PTPRD: variants seen among roughly 807,000 people sequenced by gnomAD.
PTPRD encodes the protein protein tyrosine phosphatase receptor type D, also known as receptor-type tyrosine-protein phosphatase delta.
A neutral mutation model predicts 214.5 loss-of-function variants in PTPRD; 34 were observed. The observed-to-expected ratio is 0.16, with a 90% confidence interval of 0.12 to 0.21. PTPRD has a LOEUF of 0.21. Ranked by LOEUF, PTPRD falls within the 10% of genes least tolerant of loss-of-function variation. PTPRD has a pLI of 1.00. For missense variants in PTPRD, 2,545 were observed against 2,398.7 expected (o/e 1.06, Z -1.27); for synonymous variants, 1,128 against 845.7 (o/e 1.33, Z -5.79).
chr9:10,284,923 CAT>C (rs1443011185), intron 3 of PTPRD, among the ~76,000 whole-genome samples: 1 of 152,174 alleles, frequency 6.6e-6, no homozygotes, highest in Non-Finnish European at 1.5e-5. Context: ...CACATTCACA[CAT>C]AGTCTATAAC....
chr9:8,659,750 T>C (rs1354745183), intron 12 of PTPRD, among the ~76,000 whole-genome samples: 1 of 152,166 alleles, frequency 6.6e-6, no homozygotes, highest in African/African-American at 2.4e-5. Flanking sequence ...TGTTTGAGAA[T>C]AAAGAAGGAT....
At position 8,844,674 on chromosome 9, in the gene PTPRD, TG is replaced by T. The variant is rs1398027212; in HGVS notation, c.-103-110729del. ...GCCACAAATCCTTTTTCAAGGAAGA[TG>T]GGTATAAATAATACAAAAAGATGGT... On this transcript the variant is annotated intron_variant, in intron 11 of 45. Transcript: ENST00000381196. 9.8e-5 allele frequency among the ~76,000 whole-genome samples: 15 copies of T among 152,304 alleles called. No homozygotes were observed. In the East Asian group the frequency reaches 2.9e-3, roughly 29 times the overall value.
chr9:9,870,736 T>C (rs944545527), intron 5 of PTPRD, among the ~76,000 whole-genome samples: 2 of 152,046 alleles, frequency 1.3e-5, no homozygotes, highest in Non-Finnish European at 2.9e-5. Context: ...ATGTTCGCAA[T>C]CTAATATTAA....
chr9:8,945,097 A>G (rs2099055738), intron 11 of PTPRD, among the ~76,000 whole-genome samples: 1 of 152,056 alleles, frequency 6.6e-6, no homozygotes, highest in Non-Finnish European at 1.5e-5. Flanking sequence ...AAAGAAAACC[A>G]CAGCAATCTA....
chr9:8,733,655 A>AT, intron 12 of PTPRD, 125 bp downstream of exon 12: 1 of 962,310 alleles, frequency 1.0e-6, no homozygotes, highest in Non-Finnish European at 1.6e-6. Context: ...GCCAAGGAGG[A>AT]TCCCGCAGTG....
chr9:10,068,455 T>G lies in PTPRD; in HGVS notation c.-544-34665A>C, dbSNP rs180672196. 2.4e-4 allele frequency among the ~76,000 whole-genome samples: 36 copies of G among 152,084 alleles called. No homozygotes were observed. In the East Asian group the frequency reaches 6.4e-3, roughly 27 times the overall value. Reference sequence around the variant, plus strand: ...AGTGATACTCTCCTGGTCCTTTGGATTGGTCTGCTACACATTCCATGCCCT... The same window carrying G: ...AGTGATACTCTCCTGGTCCTTTGGAGTGGTCTGCTACACATTCCATGCCCT... On this transcript the variant is annotated intron_variant, in intron 3 of 45. Transcript: ENST00000381196.
At chr9:8,578,867 G>A (rs2092754567) in intron 14 of PTPRD, among the ~76,000 whole-genome samples, 1 of 152,200 alleles carries the variant, frequency 6.6e-6, no homozygotes, top group Non-Finnish European at 1.5e-5. Flanking sequence ...CATGAAATTA[G>A]TAATTTAAGT....
intron 39 of PTPRD, among the ~76,000 whole-genome samples, chr9:8,371,080 T>C (rs1403942917): frequency 6.6e-6 from 1 of 152,080 alleles, no homozygotes; most frequent in East Asian, 1.9e-4. Flanking sequence ...TGGGGAGCTA[T>C]GTCTAAATTT....
At chr9:10,410,292 A>AT (rs2098421037) in intron 2 of PTPRD, among the ~76,000 whole-genome samples, 2 of 126,264 alleles carry the variant, frequency 1.6e-5, no homozygotes, top group African/African-American at 2.6e-5. Flanking sequence ...CACAATATAT[A>AT]ATATATATAA....
chr9:9,768,056 G>A (rs2098720824), intron 5 of PTPRD, among the ~76,000 whole-genome samples: 1 of 152,146 alleles, frequency 6.6e-6, no homozygotes, highest in African/African-American at 2.4e-5. Context: ...GCAACAGGAT[G>A]TTGTTGCTTA....
chr9:9,858,577 G>C (rs1299565006), intron 5 of PTPRD, among the ~76,000 whole-genome samples: 1 of 152,162 alleles, frequency 6.6e-6, no homozygotes, highest in Non-Finnish European at 1.5e-5. Flanking sequence ...ATTGCACGCA[G>C]ATGACTCAGA....
chr9:10,510,645 T>G (rs2047683513), intron 2 of PTPRD, among the ~76,000 whole-genome samples: 1 of 152,182 alleles, frequency 6.6e-6, no homozygotes. Flanking sequence ...ATGCAAGGTG[T>G]AATGATCTTA....
rs551315249 is a variant in PTPRD, at chr9:10,478,034, G to A, written c.-600+134364C>T. On this transcript the variant is annotated intron_variant, in intron 2 of 45. Coordinates refer to ENST00000381196, the MANE Select transcript of PTPRD (RefSeq NM_002839.4). ...AGCACAAATACCTAATGCATGTGGG[G>A]CTCTAAACCTAGATAACAGGTTGAT... Among the ~76,000 whole-genome samples the A allele has an allele frequency of 4.0e-5, 6 of 151,498 alleles. 1 individual carries two copies. The highest frequency in any genetic ancestry group is 1.2e-4 in the African/African-American group (5 of 41,350).
In PTPRD at chr9:8,557,807, C is replaced by CACAT. The variant is rs959305509; in HGVS notation, c.353-29029_353-29028insATGT. On this transcript the variant is annotated intron_variant, in intron 14 of 45. Coordinates refer to ENST00000381196, the MANE Select transcript of PTPRD (RefSeq NM_002839.4). Reference sequence around the variant, plus strand: ...ACACACACACACACACACACACACACATATATACACACACACATATGCATA... The same window carrying CACAT: ...ACACACACACACACACACACACACACACATATATATACACACACACATATGCATA... Among the ~76,000 whole-genome samples the CACAT allele has an allele frequency of 6.7e-5, 9 of 133,582 alleles. No individual in the cohort carries two copies. In the South Asian group the frequency reaches 7.3e-4, roughly 11 times the overall value. 87.6% of individuals were successfully genotyped at this position (133,582 alleles called of 152,430 possible). A position where few individuals can be genotyped will look rare whatever the true frequency, so the allele number is the denominator to read the frequency against.
chr9:8,541,390 T>C (rs2140214151), intron 14 of PTPRD, among the ~76,000 whole-genome samples: 1 of 152,232 alleles, frequency 6.6e-6, no homozygotes, highest in South Asian at 2.1e-4. Flanking sequence ...TCACAATACC[T>C]GGCTCAATTA....
chr9:9,491,861 A>T (rs11534217), intron 8 of PTPRD, among the ~76,000 whole-genome samples: 2 of 151,848 alleles, frequency 1.3e-5, no homozygotes, highest in African/African-American at 4.8e-5. Flanking sequence ...AACAAGCTAC[A>T]CCCAAAGCTA....
rs140508182 is a variant in PTPRD, at chr9:9,763,810, T to C, written c.-326+3000A>G. Among the ~76,000 whole-genome samples, 426 of 152,260 alleles carry C rather than the reference T, an allele frequency of 2.8e-3. 4 individuals are homozygous for C. Among genetic ancestry groups the C allele is most frequent in the African/African-American group, 9.8e-3 (406 of 41,568 alleles). ...GTTTATTAACCCCTAAGTACTTTAA[T>C]TCCTTTTGTCATGTCACAGAAAGAA... On this transcript the variant is annotated intron_variant, in intron 6 of 45. Coordinates refer to ENST00000381196, the MANE Select transcript of PTPRD (RefSeq NM_002839.4).
chr9:9,379,196 G>GATATATATAT lies in PTPRD; in HGVS notation c.-203+18243_-203+18252dup, dbSNP rs61595587. Among the ~76,000 whole-genome samples, 789 of 145,180 alleles carry GATATATATAT rather than the reference G, an allele frequency of 5.4e-3. 7 individuals are homozygous for GATATATATAT. Among genetic ancestry groups the GATATATATAT allele is most frequent in the African/African-American group, 0.019 (745 of 39,268 alleles). Reference sequence around the variant, plus strand: ...TGTGAAGGGCATAGGTCTATGTTGAGATATATATATATATGATATATATTT... The same window carrying GATATATATAT: ...TGTGAAGGGCATAGGTCTATGTTGAGATATATATATATATATATATATATGATATATATTT... On this transcript the variant is annotated intron_variant, in intron 9 of 45. Coordinates refer to ENST00000381196, the MANE Select transcript of PTPRD (RefSeq NM_002839.4).
At chr9:10,221,231 A>C (rs962611725) in intron 3 of PTPRD, among the ~76,000 whole-genome samples, 2 of 152,032 alleles carry the variant, frequency 1.3e-5, no homozygotes, top group Non-Finnish European at 2.9e-5. Flanking sequence ...TGCAGAAATA[A>C]ATTACAGAAT....
Sources: gnomAD v4.1 joint callset for allele counts (sites outside exome capture counted in the v4.1 genomes callset) on GRCh38, gnomAD v4.1.1 for gene constraint, MANE v1.5 for transcripts, NCBI Gene and HGNC (gene_info 2026-07-23, HGNC 2026-07-21) for gene names.